Variants in DENND1A observed in about 807,000 individuals in gnomAD.
DENND1A encodes DENN domain containing 1A.
DENND1A carries 51 observed loss-of-function variants against 113.7 expected under a neutral mutation model. The observed-to-expected ratio is 0.45, with a 90% CI of 0.36 to 0.57. The LOEUF (loss-of-function observed/expected upper bound fraction) is 0.57. Among genes scored for constraint, DENND1A ranks in the 20% least tolerant of loss-of-function variants. The probability of loss-of-function intolerance (pLI) is 0.00; values close to 1 mark genes in which losing one functional copy is unlikely to be tolerated. For missense variants in DENND1A, 1,258 were observed against 1,395.9 expected (o/e 0.90, Z 1.57); for synonymous variants, 565 against 570.8 (o/e 0.99, Z 0.14).
At chr9:123,536,017 C>T (rs1408704124) in intron 13 of DENND1A, among the ~76,000 whole-genome samples, 1 of 152,124 alleles carries the variant, frequency 6.6e-6, no homozygotes, top group African/African-American at 2.4e-5. Flanking sequence ...TTCAAACCTC[C>T]ACATAAAAAA....
At chr9:123,706,035 A>G (rs1414585190) in intron 5 of DENND1A, among the ~76,000 whole-genome samples, 5 of 152,182 alleles carry the variant, frequency 3.3e-5, no homozygotes, top group Admixed American at 3.3e-4. Flanking sequence ...GGAGGTTAAG[A>G]TTAGAAACAG....
chr9:123,777,961 T>C (rs527349425), intron 3 of DENND1A, among the ~76,000 whole-genome samples: 60 of 152,056 alleles, frequency 3.9e-4, no homozygotes, highest in Admixed American at 8.5e-4. Flanking sequence ...ATAGAAAGAA[T>C]AGGAAGATAT....
At chr9:123,816,196 T>C (rs1240739952) in intron 2 of DENND1A, among the ~76,000 whole-genome samples, 1 of 152,050 alleles carries the variant, frequency 6.6e-6, no homozygotes, top group African/African-American at 2.4e-5. Flanking sequence ...GAGATGGGGT[T>C]TCACCATGTT....
intron 1 of DENND1A, among the ~76,000 whole-genome samples, chr9:123,888,738 C>T (rs1019225179): frequency 6.6e-6 from 1 of 152,160 alleles, no homozygotes; most frequent in Admixed American, 6.5e-5. Flanking sequence ...GAAATGACAA[C>T]TAAATGCAAT....
At chr9:123,733,860 G>C (rs1363340632) in intron 5 of DENND1A, among the ~76,000 whole-genome samples, 1 of 151,902 alleles carries the variant, frequency 6.6e-6, no homozygotes, top group Admixed American at 6.6e-5. Context: ...CAGAGACAGG[G>C]TTTCACCATG....
chr9:123,673,630 C>T (rs1270985547), intron 6 of DENND1A, among the ~76,000 whole-genome samples: 1 of 152,182 alleles, frequency 6.6e-6, no homozygotes, highest in East Asian at 1.9e-4. Flanking sequence ...TCATGCCAGG[C>T]CCTTTCAGTC....
At chr9:123,453,831 C>T (rs2047912940) in intron 16 of DENND1A, among the ~76,000 whole-genome samples, 1 of 152,168 alleles carries the variant, frequency 6.6e-6, no homozygotes. Context: ...CTCATTTATT[C>T]CATACTGCTT....
Position 123,792,601 on chromosome 9 carries a change from C to T in DENND1A, c.118G>A (p.Asp40Asn), listed in dbSNP as rs2132054812. 1.2e-6 allele frequency: 2 copies of T among 1,612,484 alleles called. No homozygotes were observed. The highest frequency in any genetic ancestry group is 4.5e-5 in the East Asian group (2 of 44,836). The change falls in exon 3 of 24, where the codon GAC becomes AAC. Residue 40 changes from aspartate (D) to asparagine (N), a missense_variant. This residue lies in a region of DENND1A where 99 missense variants were observed against 164.2 expected (regional missense o/e 0.60). Transcript: ENST00000394215. ...DPEVQRQFPE[D>N]YSDQEVLQTL... The stretch of plus-strand genomic sequence containing the variant: ...GCATTCCGAACCTGGTCACTGTAGT[C>T]CTCCGGGAATTGCCTCTGCACCTCA...
intron 5 of DENND1A, among the ~76,000 whole-genome samples, chr9:123,738,033 T>C (rs2068700805): frequency 6.6e-6 from 1 of 152,098 alleles, no homozygotes; most frequent in South Asian, 2.1e-4. Context: ...GAGTAAGAAA[T>C]TGAAATAAGA....
chr9:123,879,908 T>C (rs1848075825), intron 1 of DENND1A, among the ~76,000 whole-genome samples: 1 of 152,246 alleles, frequency 6.6e-6, no homozygotes, highest in Non-Finnish European at 1.5e-5. Flanking sequence ...AAGTTCACGA[T>C]CTTCAGGATT....
intron 5 of DENND1A, among the ~76,000 whole-genome samples, chr9:123,716,123 CCT>C (rs1052387505): frequency 1.3e-5 from 2 of 152,132 alleles, no homozygotes; most frequent in Admixed American, 1.3e-4. Context: ...TTCACCTGTT[CCT>C]TTCACAAAGA....
chr9:123,756,101 C>A (rs1004555257), intron 5 of DENND1A, among the ~76,000 whole-genome samples: 6 of 152,122 alleles, frequency 3.9e-5, no homozygotes, highest in African/African-American at 1.4e-4. Context: ...TAGTTAGAGA[C>A]AGGTTTCTCC....
At chr9:123,589,142 T>G (rs1046175752) in intron 11 of DENND1A, among the ~76,000 whole-genome samples, 1 of 152,142 alleles carries the variant, frequency 6.6e-6, no homozygotes, top group African/African-American at 2.4e-5. Context: ...TTAAGAACTT[T>G]GCGTGGATCA....
intron 13 of DENND1A, among the ~76,000 whole-genome samples, chr9:123,476,297 G>A (rs78076442): frequency 0.018 from 2,718 of 152,246 alleles, 71 homozygotes; most frequent in African/African-American, 0.059. Flanking sequence ...CTGATAAAGG[G>A]GTCACGATGG....
chr9:123,414,414 C>A (rs1013153649), intron 19 of DENND1A: 10 of 1,449,350 alleles, frequency 6.9e-6, no homozygotes, highest in Non-Finnish European at 9.1e-6. Context: ...TCCACCCAGT[C>A]TTGGCACTTG....
chr9:123,791,832 C>G (rs1833030882), intron 3 of DENND1A, among the ~76,000 whole-genome samples: 1 of 152,114 alleles, frequency 6.6e-6, no homozygotes, highest in African/African-American at 2.4e-5. Flanking sequence ...TTCAAAGCTG[C>G]TTTAAAAAGT....
At chr9:123,650,693 G>A (rs182946346) in intron 9 of DENND1A, among the ~76,000 whole-genome samples, 1 of 152,144 alleles carries the variant, frequency 6.6e-6, no homozygotes, top group Admixed American at 6.5e-5. Context: ...GATCACTTGA[G>A]GTCAAGAGTT....
Position 123,728,494 on chromosome 9 carries a change from A to C in DENND1A, c.302+29209T>G, listed in dbSNP as rs1483100524. Among the ~76,000 whole-genome samples the C allele has an allele frequency of 2.8e-5, 4 of 145,434 alleles. No individual in the cohort carries two copies. In the East Asian group the frequency reaches 7.8e-4, roughly 28 times the overall value. On this transcript the variant is annotated intron_variant, in intron 5 of 23. Coordinates refer to ENST00000394215, the MANE Select transcript of DENND1A (RefSeq NM_001352964.2). ...CTCTGTCTCCCAAAAAAAAAAAAAA[A>C]AAAAAAAAAAAAAAAACAGGCATCA...
intron 13 of DENND1A, among the ~76,000 whole-genome samples, chr9:123,480,668 T>C (rs1349412725): frequency 6.6e-6 from 1 of 152,078 alleles, no homozygotes; most frequent in East Asian, 1.9e-4. Context: ...CTCTATCCTA[T>C]TAAATAAAAG....
Sources: allele counts gnomAD v4.1 joint callset (sites outside exome capture counted in the v4.1 genomes callset), GRCh38; gene constraint gnomAD v4.1.1; regional missense constraint gnomAD v4.1.1; transcripts MANE v1.5; gene names NCBI Gene and HGNC (gene_info 2026-07-23, HGNC 2026-07-21).